The following KATNIP variants were observed in gnomAD, a reference collection of about 807,000 sequenced individuals.
KATNIP encodes katanin-interacting protein.
Under a neutral mutation model 174.0 loss-of-function variants are expected in KATNIP, and 126 were observed. The ratio of observed to expected loss-of-function variants is 0.72; its 90% CI spans 0.63 to 0.84. The LOEUF (loss-of-function observed/expected upper bound fraction) is 0.84. Ranked by LOEUF, KATNIP falls within the 40% of genes least tolerant of loss-of-function variation. KATNIP has a pLI of 0.00. For synonymous variants in KATNIP, 810 were observed against 835.7 expected, an observed-to-expected ratio of 0.97 and a Z score of 0.53; for missense variants, 1,958 against 2,109.7, an observed-to-expected ratio of 0.93 and a Z score of 1.41.
At chr16:27,656,462 C>T (rs2077290967) in intron 6 of KATNIP, among the ~76,000 whole-genome samples, 1 of 148,570 alleles carries the variant, frequency 6.7e-6, no homozygotes, top group South Asian at 2.1e-4. Context: ...AAGTCAGTAG[C>T]ATGAGAGACA....
In KATNIP at chr16:27,739,823, C is replaced by T. The variant is rs146205628; in HGVS notation, c.1744-218C>T. ...TGATGACGAAGGCAGCGATTGAGGC[C>T]GTCTCTTTGTGAAAGTCCTTTGATT... On this transcript the variant is annotated intron_variant, in intron 14 of 27. Transcript: ENST00000261588. 6.3e-3 allele frequency among the ~76,000 whole-genome samples: 945 copies of T among 151,134 alleles called. 8 individuals are homozygous for T. Among genetic ancestry groups the T allele is most frequent in the African/African-American group, 0.021 (841 of 40,466 alleles).
intron 6 of KATNIP, among the ~76,000 whole-genome samples, chr16:27,656,585 T>C (rs1368309873): frequency 6.6e-6 from 1 of 151,238 alleles, no homozygotes; most frequent in Non-Finnish European, 1.5e-5. Flanking sequence ...GTGGCACATA[T>C]ACACCATGGA....
chr16:27,701,740 A>T, intron 11 of KATNIP, 45 bp downstream of exon 11: 1 of 1,285,238 alleles, frequency 7.8e-7, no homozygotes, highest in South Asian at 1.3e-5. Flanking sequence ...TTAGCAGTGC[A>T]GCCATGGGGA....
In KATNIP at chr16:27,749,615, G is replaced by T; in HGVS notation, c.2655G>T (p.Arg885=). 1.3e-6 allele frequency: 2 copies of T among 1,544,134 alleles called. No homozygotes were observed. Among genetic ancestry groups the T allele is most frequent in the Non-Finnish European group, 1.7e-6 (2 of 1,146,882 alleles). The stretch of plus-strand genomic sequence containing the variant: ...CCTGGTCTTCCAGGACGCCGTCACG[G>T]TCAAGGTGGCGCAGTGAGCAGGAGC... ...EDTWSSRTPS[R]SRWRSEQEHT... The change falls in exon 16 of 28, where the codon CGG becomes CGT. Residue 885 remains arginine (R), a synonymous_variant. Transcript: ENST00000261588.
Position 27,703,907 on chromosome 16 carries a change from A to G in KATNIP, c.1298A>G (p.Lys433Arg), listed in dbSNP as rs748145512. 7 of 1,614,092 alleles carry G rather than the reference A, an allele frequency of 4.3e-6. No individual in the cohort carries two copies. Among genetic ancestry groups the G allele is most frequent in the Non-Finnish European group, 5.9e-6 (7 of 1,179,916 alleles). ...IGLLGSRQQQKLLKVLQAVES... is the reference protein window; with the variant it reads ...IGLLGSRQQQRLLKVLQAVES... Reference sequence around the variant, plus strand: ...AAATCCCATTTCAGACAACAGCAGAAGCTTCTGAAAGTCCTCCAGGCCGTC... The same window carrying G: ...AAATCCCATTTCAGACAACAGCAGAGGCTTCTGAAAGTCCTCCAGGCCGTC... Residue 433 changes from lysine (K) to arginine (R), a missense_variant, in exon 12 of 28, where the codon AAG (lysine) becomes AGG (arginine). Lys to Arg is a conservative substitution (Grantham distance 26). Around this residue, in one of 3 missense-constraint regions of KATNIP, gnomAD observed 1,557 missense variants for 1,617.8 expected, o/e 0.96. Coordinates refer to ENST00000261588, the MANE Select transcript of KATNIP (RefSeq NM_015202.5).
chr16:27,682,485 G>A (rs565731610), intron 8 of KATNIP, among the ~76,000 whole-genome samples: 18 of 152,314 alleles, frequency 1.2e-4, no homozygotes, highest in African/African-American at 4.3e-4. Context: ...TGGGGAGGAT[G>A]CGAGGTGACC....
chr16:27,572,362 A>AACACACACACACACACACACACACAC (rs3056269), intron 1 of KATNIP, among the ~76,000 whole-genome samples: 1 of 138,058 alleles, frequency 7.2e-6, no homozygotes, highest in Non-Finnish European at 1.5e-5. Flanking sequence ...CAAAAAAGAA[A>AACACACACACACACACACACACACAC]ACACACACAC....
At chr16:27,699,702 A>G in intron 10 of KATNIP, 103 bp downstream of exon 10, 4 of 1,475,538 alleles carry the variant, frequency 2.7e-6, no homozygotes, top group Non-Finnish European at 3.7e-6. Context: ...TGTGCATAGC[A>G]CCTGATGGCC....
At chr16:27,577,264 G>A (rs752374871) in intron 2 of KATNIP, among the ~76,000 whole-genome samples, 2 of 152,200 alleles carry the variant, frequency 1.3e-5, no homozygotes, top group Non-Finnish European at 2.9e-5. Flanking sequence ...CCAGGTAGCC[G>A]AGTGTGGTGG....
chr16:27,554,737 G>T (rs6498030), intron 1 of KATNIP, among the ~76,000 whole-genome samples: 122,550 of 150,236 alleles, frequency 0.82, 50,383 homozygotes, highest in East Asian at 1. Flanking sequence ...GGTCATATTT[G>T]ACCTCCAAAG....
At chr16:27,606,258 G>A (rs967541835) in intron 2 of KATNIP, among the ~76,000 whole-genome samples, 1 of 152,184 alleles carries the variant, frequency 6.6e-6, no homozygotes, top group African/African-American at 2.4e-5. Context: ...CTTGGGGTGG[G>A]TTTTGAAGGA....
intron 18 of KATNIP, chr16:27,755,815 T>G (rs746029962): frequency 6.6e-6 from 1 of 152,198 alleles, no homozygotes; most frequent in Admixed American, 6.5e-5. Context: ...GTAATTTTAA[T>G]AGAGACAGGG....
chr16:27,658,755 T>TTTG (rs933217079), intron 6 of KATNIP, among the ~76,000 whole-genome samples: 14 of 152,126 alleles, frequency 9.2e-5, no homozygotes, highest in Non-Finnish European at 1.5e-4. Context: ...CAATTTGTTT[T>TTTG]TTGTTGTTGT....
Position 27,769,919 on chromosome 16 carries a change from T to G in KATNIP, c.4034T>G (p.Leu1345Arg). The change falls in exon 21 of 28, where the codon CTC becomes CGC. Residue 1345 changes from leucine (L) to arginine (R), a missense_variant. Physicochemically the swap from Leu to Arg is moderately radical, Grantham distance 102. Transcript: ENST00000261588. ...TGCGTCTCCCCGCCAGAGGGCTTTC[T>G]CATCCGGAAGGGGCCAGGCAACTGC... ...GLCVSPPEGF[L>R]IRKGPGNCHF... 1.9e-6 allele frequency: 3 copies of G among 1,614,248 alleles called. No homozygotes were observed. The highest frequency in any genetic ancestry group is 2.5e-6 in the Non-Finnish European group (3 of 1,180,036).
At chr16:27,636,510 C>T (rs1454723449) in intron 5 of KATNIP, among the ~76,000 whole-genome samples, 1 of 152,168 alleles carries the variant, frequency 6.6e-6, no homozygotes, top group African/African-American at 2.4e-5. Context: ...GCTGTGTAAC[C>T]TCTCTGAGCT....
chr16:27,667,378 A>G (rs1368357929), intron 6 of KATNIP, among the ~76,000 whole-genome samples: 1 of 152,222 alleles, frequency 6.6e-6, no homozygotes, highest in Non-Finnish European at 1.5e-5. Flanking sequence ...TTAATCAACT[A>G]ACTCTTCAGT....
Position 27,755,639 on chromosome 16 carries a change from GTATT to G in KATNIP, c.3631+1398_3631+1401del, listed in dbSNP as rs781396346. On this transcript the variant is annotated intron_variant, in intron 18 of 27. Coordinates refer to ENST00000261588, the MANE Select transcript of KATNIP (RefSeq NM_015202.5). ...GGCTTTTTATTTTACTTTTTAATTTGTATTTATTTATTTTGACACAGTTTTACTC... is the reference window on the plus strand; with the variant it reads ...GGCTTTTTATTTTACTTTTTAATTTGTATTTATTTTGACACAGTTTTACTC... The G allele has an allele frequency of 1.7e-3, 252 of 152,312 alleles. 2 individuals carry two copies. The highest frequency in any genetic ancestry group is 6.8e-3 in the Middle Eastern group (2 of 296). 9.4% of individuals were successfully genotyped at this position (152,312 alleles called of 1,614,324 possible).
At chr16:27,632,007 C>A (rs1485150293) in intron 5 of KATNIP, among the ~76,000 whole-genome samples, 1 of 152,190 alleles carries the variant, frequency 6.6e-6, no homozygotes, top group Non-Finnish European at 1.5e-5. Flanking sequence ...TTATAAGGAG[C>A]TGAAGAGATG....
In KATNIP at chr16:27,778,616, G is replaced by A. The variant is rs200717139; in HGVS notation, c.4844G>A (p.Arg1615Gln). ...TGCATCAGCGAGAAGGAGACGAGACGACGGCGCTGCTGACTGGTGAAGGAG... is the reference window on the plus strand; with the variant it reads ...TGCATCAGCGAGAAGGAGACGAGACAACGGCGCTGCTGACTGGTGAAGGAG... ...KTCISEKETR[R>Q]RRC The change falls in exon 28 of 28, where the codon CGA becomes CAA. Residue 1615 changes from arginine to glutamine, a missense_variant. This residue lies in a region of KATNIP where 383 missense variants were observed against 456.0 expected (regional missense o/e 0.84). Coordinates refer to ENST00000261588, the MANE Select transcript of KATNIP (RefSeq NM_015202.5). 1.6e-4 allele frequency: 255 copies of A among 1,613,838 alleles called. No homozygotes were observed. The highest frequency in any genetic ancestry group is 2.0e-4 in the Non-Finnish European group (239 of 1,179,804).
Sources: allele counts gnomAD v4.1 joint callset (sites outside exome capture counted in the v4.1 genomes callset), GRCh38; gene constraint gnomAD v4.1.1; regional missense constraint gnomAD v4.1.1; transcripts MANE v1.5; gene names NCBI Gene and HGNC (gene_info 2026-07-23, HGNC 2026-07-21).